Variants in FAXC observed in about 807,000 individuals in gnomAD.
FAXC encodes failed axon connections homolog, metaxin like GST domain containing.
Under a neutral mutation model 41.9 loss-of-function variants are expected in FAXC, and 10 were observed. The observed-to-expected ratio is 0.24, with a 90% CI of 0.15 to 0.41. FAXC has a LOEUF of 0.41. Ranked by LOEUF, FAXC falls within the 10% of genes least tolerant of loss-of-function variation. The pLI is 1.00. For synonymous variants in FAXC, 183 were observed against 183.8 expected (o/e 1.00, Z 0.03); for missense variants, 399 against 510.9 (o/e 0.78, Z 2.11).
chr6:99,285,079 G>A (rs1277241492), intron 5 of FAXC, among the ~76,000 whole-genome samples: 1 of 151,894 alleles, frequency 6.6e-6, no homozygotes, highest in Non-Finnish European at 1.5e-5. Context: ...GGAGGGTCAG[G>A]CATTGTACTA....
intron 4 of FAXC, 120 bp downstream of exon 4, chr6:99,323,324 A>T: frequency 2.4e-6 from 2 of 830,604 alleles, no homozygotes; most frequent in Non-Finnish European, 1.9e-6. Flanking sequence ...ACTGCAATCT[A>T]CACATGGAAG....
intron 4 of FAXC, among the ~76,000 whole-genome samples, chr6:99,299,604 A>G (rs1421242063): frequency 6.6e-6 from 1 of 152,224 alleles, no homozygotes; most frequent in Non-Finnish European, 1.5e-5. Context: ...TAAGAAACAA[A>G]GATTTTGAGT....
rs540033021 is a variant in FAXC, at chr6:99,296,646, C to T, written c.824-4826G>A. Among the ~76,000 whole-genome samples, 46 of 152,262 alleles carry T rather than the reference C, an allele frequency of 3.0e-4. No homozygotes were observed. The South Asian group carries it at 9.5e-3, about 32-fold the overall frequency. Reference sequence around the variant, plus strand: ...GCCCTCCTGACGATGAGGGTGAGTCCACATCCTGATAGTAGCAAAGTGACT... The same window carrying T: ...GCCCTCCTGACGATGAGGGTGAGTCTACATCCTGATAGTAGCAAAGTGACT... On this transcript the variant is annotated intron_variant, in intron 4 of 5. Transcript: ENST00000389677.
intron 3 of FAXC, among the ~76,000 whole-genome samples, chr6:99,329,374 G>A (rs533205683): frequency 2.6e-5 from 4 of 152,204 alleles, no homozygotes; most frequent in African/African-American, 7.2e-5. Context: ...AAGATATCAT[G>A]CATTATAACT....
At chr6:99,316,949 C>T (rs1772380925) in intron 4 of FAXC, among the ~76,000 whole-genome samples, 1 of 152,112 alleles carries the variant, frequency 6.6e-6, no homozygotes, top group Non-Finnish European at 1.5e-5. Flanking sequence ...TGAAGGGACG[C>T]ACTACTTTGC....
Position 99,278,061 on chromosome 6 carries a change from TGAG to T in FAXC, c.*3100_*3102del, listed in dbSNP as rs1770693666. Reference sequence around the variant, plus strand: ...ACAGTATACATGGGCAGGGCTCACTTGAGGAGTAGACTGCAGTCTGATTCAAGT... The same window carrying T: ...ACAGTATACATGGGCAGGGCTCACTTGAGTAGACTGCAGTCTGATTCAAGT... On this transcript the variant is annotated 3_prime_UTR_variant, in exon 6 of 6. Transcript: ENST00000389677. The T allele has an allele frequency of 6.6e-6, 1 of 152,170 alleles. No homozygotes were observed. Among genetic ancestry groups the T allele is most frequent in the African/African-American group, 2.4e-5 (1 of 41,436 alleles). 9.4% of individuals were successfully genotyped at this position (152,170 alleles called of 1,614,324 possible). A position where few individuals can be genotyped will look rare whatever the true frequency, so the allele number is the denominator to read the frequency against.
chr6:99,341,249 G>A (rs1442996847), intron 2 of FAXC, among the ~76,000 whole-genome samples: 1 of 151,888 alleles, frequency 6.6e-6, no homozygotes, highest in Non-Finnish European at 1.5e-5. Flanking sequence ...GTATAGTAAG[G>A]AGAAAAATAT....
chr6:99,347,098 C>CA (rs1467385340), intron 1 of FAXC, among the ~76,000 whole-genome samples: 7 of 148,680 alleles, frequency 4.7e-5, no homozygotes, highest in Non-Finnish European at 7.6e-5. Flanking sequence ...CCCATCTCCA[C>CA]AAAAAAGTTA....
chr6:99,343,696 G>C (rs1372791523), intron 1 of FAXC, among the ~76,000 whole-genome samples: 1 of 152,120 alleles, frequency 6.6e-6, no homozygotes, highest in African/African-American at 2.4e-5. Context: ...GTGCAGATTT[G>C]CTCTGCTATG....
intron 3 of FAXC, among the ~76,000 whole-genome samples, chr6:99,329,885 G>T (rs1051771486): frequency 6.7e-6 from 1 of 150,170 alleles, no homozygotes; most frequent in South Asian, 2.1e-4. Flanking sequence ...CATACACACA[G>T]GCATTAGAAC....
chr6:99,349,380 G>C lies in FAXC; in HGVS notation c.-8C>G, dbSNP rs1344743662. Reference sequence around the variant, plus strand: ...GCCAACCCCCCAGTGCATGCTGCGCGGCTGGCTCCGGGCGCCCCTCCCAGG... The same window carrying C: ...GCCAACCCCCCAGTGCATGCTGCGCCGCTGGCTCCGGGCGCCCCTCCCAGG... On this transcript the variant is annotated 5_prime_UTR_variant, in exon 1 of 6. Transcript: ENST00000389677. 2.5e-6 allele frequency: 4 copies of C among 1,598,264 alleles called. No homozygotes were observed. The highest frequency in any genetic ancestry group is 2.6e-6 in the Non-Finnish European group (3 of 1,172,778).
At position 99,279,303 on chromosome 6, in the gene FAXC, A is replaced by T. The variant is rs1203588158; in HGVS notation, c.*1861T>A. The T allele has an allele frequency of 6.6e-6, 1 of 152,210 alleles. No homozygotes were observed. The highest frequency in any genetic ancestry group is 1.5e-5 in the Non-Finnish European group (1 of 68,032). The allele number at this position is 152,210 out of a possible 1,614,324, so 9.4% of individuals were successfully genotyped here. On this transcript the variant is annotated 3_prime_UTR_variant, in exon 6 of 6. Transcript: ENST00000389677. ...ACAACTAAGTTTCCCATGGAATAAG[A>T]ATTTCTAACTTAGGGTATCTCAGCA...
intron 4 of FAXC, among the ~76,000 whole-genome samples, chr6:99,303,172 T>G (rs1771779102): frequency 6.6e-6 from 1 of 152,320 alleles, no homozygotes; most frequent in East Asian, 1.9e-4. Context: ...ACCTATTTGG[T>G]ACCTATATGC....
Position 99,271,892 on chromosome 6 carries a change from C to A in FAXC, c.*9272G>T, listed in dbSNP as rs562573592. Reference sequence around the variant, plus strand: ...TTAAGATAGAATTTGAAACATCCTGCATGTCTCTATAGATCTTGACATGCC... The same window carrying A: ...TTAAGATAGAATTTGAAACATCCTGAATGTCTCTATAGATCTTGACATGCC... On this transcript the variant is annotated 3_prime_UTR_variant, in exon 6 of 6. Coordinates refer to ENST00000389677, the MANE Select transcript of FAXC (RefSeq NM_032511.4). 2 of 152,312 alleles carry A rather than the reference C, an allele frequency of 1.3e-5. No homozygotes were observed. The highest frequency in any genetic ancestry group is 6.5e-5 in the Admixed American group (1 of 15,306). 9.4% of individuals were successfully genotyped at this position (152,312 alleles called of 1,614,324 possible).
At chr6:99,296,190 T>C (rs1771488595) in intron 4 of FAXC, among the ~76,000 whole-genome samples, 1 of 151,574 alleles carries the variant, frequency 6.6e-6, no homozygotes, top group Admixed American at 6.6e-5. Flanking sequence ...CAAATAAGAG[T>C]TGACTCTGCT....
rs1009216421 is a variant in FAXC at position 99,319,774 on chromosome 6, C to T, written c.823+3670G>A. ...TTATTTCTGTAGGTCCTGAATATTT[C>T]GTATAAATCATACTCCTAATATTTT... On this transcript the variant is annotated intron_variant, in intron 4 of 5. Coordinates refer to ENST00000389677, the MANE Select transcript of FAXC (RefSeq NM_032511.4). Among the ~76,000 whole-genome samples the T allele has an allele frequency of 5.3e-5, 8 of 152,256 alleles. No homozygotes were observed. The East Asian group carries it at 5.8e-4, about 11-fold the overall frequency.
chr6:99,313,850 T>C (rs990302980), intron 4 of FAXC, among the ~76,000 whole-genome samples: 2 of 152,200 alleles, frequency 1.3e-5, no homozygotes, highest in African/African-American at 4.8e-5. Context: ...TATCATATAC[T>C]GCATCTCTAC....
At chr6:99,312,263 C>G (rs1582652087) in intron 4 of FAXC, among the ~76,000 whole-genome samples, 1 of 152,312 alleles carries the variant, frequency 6.6e-6, no homozygotes, top group South Asian at 2.1e-4. Flanking sequence ...AAAGAAAGCA[C>G]CAGCTGCCTG....
chr6:99,331,792 G>A (rs867295416), intron 3 of FAXC, among the ~76,000 whole-genome samples: 14 of 152,216 alleles, frequency 9.2e-5, no homozygotes, highest in South Asian at 2.1e-4. Flanking sequence ...TCCCTTCACA[G>A]CAGCAGAACT....
Sources: allele counts gnomAD v4.1 joint callset (sites outside exome capture counted in the v4.1 genomes callset), GRCh38; gene constraint gnomAD v4.1.1; transcripts MANE v1.5; gene names NCBI Gene and HGNC (gene_info 2026-07-23, HGNC 2026-07-21).